The following VSTM1 variants were observed in gnomAD, a reference collection of about 807,000 sequenced individuals.
The protein encoded by VSTM1 is V-set and transmembrane domain containing 1.
VSTM1 carries 27 observed loss-of-function variants against 33.1 expected under a neutral mutation model. That is an observed-to-expected ratio of 0.82 (90% CI 0.60 to 1.12). The LOEUF is 1.12. Ranked by LOEUF, VSTM1 falls within the 50% of genes most tolerant of loss-of-function variation. VSTM1 has a pLI of 0.00. For synonymous variants in VSTM1, 115 were observed against 110.3 expected (o/e 1.04, Z -0.27); for missense variants, 304 against 288.9 (o/e 1.05, Z -0.38).
chr19:54,059,587 C>T (rs1456646879), intron 1 of VSTM1, among the ~76,000 whole-genome samples: 1 of 151,944 alleles, frequency 6.6e-6, no homozygotes, highest in Non-Finnish European at 1.5e-5. Context: ...ACTCGTACCT[C>T]AGGCTCCAGA....
chr19:54,056,214 CTTTTTT>C (rs869203085), intron 3 of VSTM1, among the ~76,000 whole-genome samples: 4 of 39,182 alleles, frequency 1.0e-4, no homozygotes, highest in African/African-American at 2.9e-4. Context: ...CTTTTCTTTT[CTTTTTT>C]TTTTTTTTTT....
At chr19:54,050,291 G>A (rs1471578224) in intron 4 of VSTM1, among the ~76,000 whole-genome samples, 3 of 151,808 alleles carry the variant, frequency 2.0e-5, no homozygotes, top group Non-Finnish European at 4.4e-5. Context: ...GAGCCACCTC[G>A]CCTGGCCCAA....
In VSTM1 at chr19:54,053,591, G is replaced by T. The variant is rs1233303784; in HGVS notation, c.356-2143C>A. Among the ~76,000 whole-genome samples the T allele has an allele frequency of 2.1e-5, 3 of 141,816 alleles. 1 individual carries two copies. The highest frequency in any genetic ancestry group is 3.1e-5 in the Non-Finnish European group (2 of 64,388). 93.0% of individuals were successfully genotyped at this position (141,816 alleles called of 152,430 possible). Reference sequence around the variant, plus strand: ...TATTGCTATCAACCACAGGAGTGGAGAAATGGACCCTTCCCCAGTCAAGCC... The same window carrying T: ...TATTGCTATCAACCACAGGAGTGGATAAATGGACCCTTCCCCAGTCAAGCC... On this transcript the variant is annotated intron_variant, in intron 3 of 8. Coordinates refer to ENST00000338372, the MANE Select transcript of VSTM1 (RefSeq NM_198481.4).
chr19:54,047,151 C>T (rs1324318494), intron 4 of VSTM1, among the ~76,000 whole-genome samples: 7 of 152,030 alleles, frequency 4.6e-5, no homozygotes, highest in Admixed American at 3.9e-4. Flanking sequence ...GCCAAGATCA[C>T]GCCATTGCAC....
chr19:54,055,777 G>A lies in VSTM1; in HGVS notation c.355+2529C>T, dbSNP rs931875059. On this transcript the variant is annotated intron_variant, in intron 3 of 8. Transcript: ENST00000338372. ...TCATCCCAGGGTCTACATTGACTGA[G>A]AGCAAAGGTTCTGGGAGTGATCCTG... is the stretch of plus-strand genomic sequence containing the variant. 3.5e-5 allele frequency: 5 copies of A among 142,662 alleles called. 2 individuals carry two copies. In the Admixed American group the frequency reaches 3.6e-4, roughly 10 times the overall value. The allele number at this position is 142,662 out of a possible 1,614,324, so 8.8% of individuals were successfully genotyped here. A position where few individuals can be genotyped will look rare whatever the true frequency, so the allele number is the denominator to read the frequency against.
At chr19:54,045,144 T>G (rs1303372578) in intron 4 of VSTM1, among the ~76,000 whole-genome samples, 24 of 152,292 alleles carry the variant, frequency 1.6e-4, no homozygotes, top group African/African-American at 5.8e-4. Flanking sequence ...CTTCCCCTAC[T>G]TGGTTCGCTA....
At chr19:54,058,113 G>A (rs558211916) in intron 3 of VSTM1, among the ~76,000 whole-genome samples, 193 bp downstream of exon 3, 91 of 148,702 alleles carry the variant, frequency 6.1e-4, no homozygotes, top group African/African-American at 2.1e-3. Flanking sequence ...GGTGGCGGGC[G>A]CCTGTAGTCC....
chr19:54,044,045 G>A (rs1337805760), intron 4 of VSTM1, among the ~76,000 whole-genome samples: 2 of 152,020 alleles, frequency 1.3e-5, no homozygotes, highest in Non-Finnish European at 2.9e-5. Flanking sequence ...AGGGTAGCTG[G>A]GAGTACAGAC....
chr19:54,049,487 G>T (rs115378525), intron 4 of VSTM1, among the ~76,000 whole-genome samples: 7 of 152,100 alleles, frequency 4.6e-5, no homozygotes, highest in African/African-American at 1.7e-4. Flanking sequence ...ACTTTACAAG[G>T]GTGAATTTTT....
intron 4 of VSTM1, among the ~76,000 whole-genome samples, chr19:54,042,837 TAC>T (rs1555752688): frequency 1.4e-3 from 91 of 66,376 alleles, no homozygotes; most frequent in Non-Finnish European, 1.7e-3. Context: ...TATATATATA[TAC>T]ATATATATAT....
Position 54,040,965 on chromosome 19 carries a change from A to G in VSTM1, c.707T>C (p.Val236Ala). The G allele has an allele frequency of 1.9e-6, 3 of 1,609,362 alleles. No homozygotes were observed. The highest frequency in any genetic ancestry group is 1.7e-6 in the Non-Finnish European group (2 of 1,178,006). Residue 236 changes from valine to alanine, a missense_variant, in exon 9 of 9, where the codon GTG becomes GCG. Val to Ala is a moderately conservative substitution (Grantham distance 64, BLOSUM62 0). Coordinates refer to ENST00000338372, the MANE Select transcript of VSTM1 (RefSeq NM_198481.4). ...GTGGCCAGGGCTGTCTTCTTGCTAC[A>G]CTTTCAGTGCCGCATATTCATGAGA... ...PGSHEYAALK[V>A]
intron 3 of VSTM1, chr19:54,052,929 C>T: frequency 1.4e-5 from 2 of 146,360 alleles, no homozygotes; most frequent in African/African-American, 3.4e-5. Flanking sequence ...CTGCAGTGAG[C>T]TGTGATTGCA....
Position 54,058,371 on chromosome 19 carries a change from G to A in VSTM1, c.290C>T (p.Ala97Val). 1 of 1,614,100 alleles carries A rather than the reference G, an allele frequency of 6.2e-7. No homozygotes were observed. Among genetic ancestry groups the A allele is most frequent in the Middle Eastern group, 1.6e-4 (1 of 6,062 alleles). ...KPKDAGRYFC[A>V]YKTTASHEWS... is the part of the protein sequence containing the mutation. Reference sequence around the variant, plus strand: ...CTCATGGGAGGCTGTTGTCTTGTAGGCACAAAAGTACCTCCCAGCATCCTT... The same window carrying A: ...CTCATGGGAGGCTGTTGTCTTGTAGACACAAAAGTACCTCCCAGCATCCTT... The change falls in exon 3 of 9, where the codon GCC (alanine) becomes GTC (valine). Residue 97 changes from alanine to valine, a missense_variant. Ala to Val is a moderately conservative substitution (Grantham distance 64). Transcript: ENST00000338372.
Sources: allele counts gnomAD v4.1 joint callset (sites outside exome capture counted in the v4.1 genomes callset), GRCh38; gene constraint gnomAD v4.1.1; transcripts MANE v1.5; gene names NCBI Gene and HGNC (gene_info 2026-07-23, HGNC 2026-07-21).